The following WWC1 variants were observed in gnomAD, a reference collection of about 807,000 sequenced individuals.
WWC1 encodes protein KIBRA.
WWC1 carries 55 observed loss-of-function variants against 138.4 expected under a neutral mutation model. The observed-to-expected ratio is 0.40, with a 90% confidence interval of 0.32 to 0.50. The LOEUF (loss-of-function observed/expected upper bound fraction) is 0.50. Ranked by LOEUF, WWC1 falls within the 20% of genes least tolerant of loss-of-function variation. The pLI is 0.72. For synonymous variants in WWC1, 524 were observed against 564.9 expected, an observed-to-expected ratio of 0.93 and a Z score of 1.03; for missense variants, 1,226 against 1,420.4, an observed-to-expected ratio of 0.86 and a Z score of 2.20.
At chr5:168,412,246 C>T in intron 8 of WWC1, 5 of 955,832 alleles carry the variant, frequency 5.2e-6, no homozygotes, top group Non-Finnish European at 6.2e-6. Flanking sequence ...CTTGCCCCTC[C>T]ACCCGAAGCT....
chr5:168,356,233 T>A (rs1212539298), intron 1 of WWC1, among the ~76,000 whole-genome samples: 2 of 152,244 alleles, frequency 1.3e-5, no homozygotes, highest in African/African-American at 2.4e-5. Context: ...TTGTAAGGCT[T>A]CATTCTGGAG....
In WWC1 at chr5:168,291,939, C is replaced by G. The variant is rs1161211259; in HGVS notation, c.-214C>G. 3.2e-6 allele frequency: 1 copy of G among 308,950 alleles called. No homozygotes were observed. The allele number at this position is 308,950 out of a possible 1,614,324, so 19.1% of individuals were successfully genotyped here. A position where few individuals can be genotyped will look rare whatever the true frequency, so the allele number is the denominator to read the frequency against. ...ACATGGCAGCGTGAGAGGCCGGCGG[C>G]GGGAGGAGCGGGCGGCGCCGGGTCG... is the stretch of plus-strand genomic sequence containing the variant. On this transcript the variant is annotated 5_prime_UTR_variant, in exon 1 of 23. Coordinates refer to ENST00000265293, the MANE Select transcript of WWC1 (RefSeq NM_015238.3).
chr5:168,432,565 T>C (rs1782034274), intron 15 of WWC1, among the ~76,000 whole-genome samples: 1 of 152,252 alleles, frequency 6.6e-6, no homozygotes, highest in Non-Finnish European at 1.5e-5. Flanking sequence ...TGTTAGAATA[T>C]TTTAATGATA....
chr5:168,310,218 A>G (rs1199177947), intron 1 of WWC1, among the ~76,000 whole-genome samples: 1 of 152,048 alleles, frequency 6.6e-6, no homozygotes, highest in Non-Finnish European at 1.5e-5. Flanking sequence ...ATATTTTTGT[A>G]TCTCTTTAAT....
At chr5:168,307,938 CT>C (rs1770729932) in intron 1 of WWC1, among the ~76,000 whole-genome samples, 1 of 152,088 alleles carries the variant, frequency 6.6e-6, no homozygotes, top group Admixed American at 6.5e-5. Context: ...ATGGACTGTT[CT>C]GCTCAAGGGG....
intron 1 of WWC1, among the ~76,000 whole-genome samples, chr5:168,301,767 G>A (rs1770105651): frequency 6.6e-6 from 1 of 152,088 alleles, no homozygotes; most frequent in African/African-American, 2.4e-5. Context: ...GAAAGTCTTA[G>A]CGCCTATCAT....
Sources: allele counts gnomAD v4.1 joint callset (sites outside exome capture counted in the v4.1 genomes callset), GRCh38; gene constraint gnomAD v4.1.1; transcripts MANE v1.5; gene names NCBI Gene and HGNC (gene_info 2026-07-23, HGNC 2026-07-21).